Variants in LRP1B observed in about 807,000 individuals in gnomAD.
LRP1B encodes the protein LDL receptor related protein 1B.
A neutral mutation model predicts 556.6 loss-of-function variants in LRP1B; 217 were observed. That is an observed-to-expected ratio of 0.39 (90% confidence interval 0.35 to 0.44). LRP1B has a LOEUF of 0.44. Ranked by LOEUF, LRP1B falls within the 20% of genes least tolerant of loss-of-function variation. The pLI is 1.00. For missense variants in LRP1B, 5,053 were observed against 5,620.8 expected (o/e 0.90, Z 3.23); for synonymous variants, 2,047 against 1,865.8 (o/e 1.10, Z -2.50).
At chr2:141,145,922 C>CTTTTTTTTTTTT (rs70991144) in intron 7 of LRP1B, among the ~76,000 whole-genome samples, 3 of 67,204 alleles carry the variant, frequency 4.5e-5, no homozygotes, top group African/African-American at 6.3e-5. Flanking sequence ...TTCTTTCTTT[C>CTTTTTTTTTTTT]TTTTTTTTTT....
chr2:141,987,163 C>T (rs552000052), intron 1 of LRP1B, among the ~76,000 whole-genome samples: 14 of 151,734 alleles, frequency 9.2e-5, no homozygotes, highest in Admixed American at 2.6e-4. Context: ...TTTGGTTTGA[C>T]TGTATCTATT....
intron 1 of LRP1B, among the ~76,000 whole-genome samples, chr2:141,944,051 GT>G (rs375748615): frequency 6.6e-6 from 1 of 152,092 alleles, no homozygotes; most frequent in African/African-American, 2.4e-5. Context: ...GCTCCACCCT[GT>G]TCTCCCAGTG....
At chr2:141,390,783 G>T (rs777323328) in intron 3 of LRP1B, among the ~76,000 whole-genome samples, 4 of 152,224 alleles carry the variant, frequency 2.6e-5, no homozygotes, top group Non-Finnish European at 4.4e-5. Context: ...GGAGTGAGGG[G>T]AGAATGAAGA....
intron 7 of LRP1B, among the ~76,000 whole-genome samples, chr2:141,172,484 C>G (rs1218414425): frequency 6.6e-6 from 1 of 152,010 alleles, no homozygotes; most frequent in African/African-American, 2.4e-5. Flanking sequence ...CATAATCTTA[C>G]TGACTAAAAT....
intron 2 of LRP1B, among the ~76,000 whole-genome samples, chr2:141,698,507 AAG>A (rs1491068265): frequency 1.3e-5 from 2 of 151,002 alleles, no homozygotes; most frequent in Non-Finnish European, 2.9e-5. Flanking sequence ...AAAAAAAAAA[AAG>A]AGTTTGACTA....
In LRP1B at chr2:140,292,477, C is replaced by T. The variant is rs1320965257; in HGVS notation, c.12967+5331G>A. On this transcript the variant is annotated intron_variant, in intron 84 of 90. Coordinates refer to ENST00000389484, the MANE Select transcript of LRP1B (RefSeq NM_018557.3). ...ATGCTGCTCCCCCTTGCTACTTCCGCTTTGCATATGCTGTTCCTTTGTGTA... is the reference window on the plus strand; with the variant it reads ...ATGCTGCTCCCCCTTGCTACTTCCGTTTTGCATATGCTGTTCCTTTGTGTA... Among the ~76,000 whole-genome samples the T allele has an allele frequency of 3.3e-5, 5 of 152,080 alleles. No individual in the cohort carries two copies. The East Asian group carries it at 9.7e-4, about 29-fold the overall frequency.
intron 1 of LRP1B, among the ~76,000 whole-genome samples, chr2:141,923,001 A>C (rs1574495518): frequency 6.6e-6 from 1 of 152,104 alleles, no homozygotes; most frequent in African/African-American, 2.4e-5. Context: ...TGAAAGGCTG[A>C]GATCAGAGGA....
intron 7 of LRP1B, among the ~76,000 whole-genome samples, chr2:141,083,477 A>G (rs577487870): frequency 6.6e-6 from 1 of 152,254 alleles, no homozygotes; most frequent in South Asian, 2.1e-4. Flanking sequence ...GCAGCATAGC[A>G]TAATGGTTAA....
chr2:140,824,177 C>T (rs945740261), intron 31 of LRP1B, among the ~76,000 whole-genome samples: 1 of 151,664 alleles, frequency 6.6e-6, no homozygotes, highest in Non-Finnish European at 1.5e-5. Context: ...AGTATTTTCT[C>T]TTAATTAGTA....
chr2:141,052,567 A>G (rs1558827374), intron 10 of LRP1B, among the ~76,000 whole-genome samples: 1 of 152,052 alleles, frequency 6.6e-6, no homozygotes, highest in Non-Finnish European at 1.5e-5. Flanking sequence ...GTAAAGTAGG[A>G]TAACTTGTGA....
At chr2:140,625,590 A>C (rs1353090615) in intron 41 of LRP1B, among the ~76,000 whole-genome samples, 1 of 152,222 alleles carries the variant, frequency 6.6e-6, no homozygotes, top group East Asian at 1.9e-4. Flanking sequence ...CAGACACCTC[A>C]TCAAACAAGA....
chr2:141,707,857 A>T (rs1393423986), intron 2 of LRP1B, among the ~76,000 whole-genome samples: 1 of 152,164 alleles, frequency 6.6e-6, no homozygotes, highest in Non-Finnish European at 1.5e-5. Flanking sequence ...TTAAGACCCA[A>T]CAACTTGATA....
intron 2 of LRP1B, among the ~76,000 whole-genome samples, chr2:141,805,958 G>A (rs1275197031): frequency 6.6e-6 from 1 of 152,022 alleles, no homozygotes; most frequent in Non-Finnish European, 1.5e-5. Context: ...AACATGATCT[G>A]TGACTGAAGA....
intron 1 of LRP1B, among the ~76,000 whole-genome samples, chr2:142,123,266 T>C (rs934786051): frequency 2.6e-5 from 4 of 151,980 alleles, no homozygotes; most frequent in African/African-American, 9.7e-5. Context: ...AGGGCTAAGA[T>C]GACAAATCGT....
At chr2:140,373,517 T>C (rs1257476427) in intron 68 of LRP1B, among the ~76,000 whole-genome samples, 3 of 152,212 alleles carry the variant, frequency 2.0e-5, no homozygotes, top group African/African-American at 7.2e-5. Flanking sequence ...GGCTTCATCA[T>C]ACTAATTAAG....
chr2:140,362,166 TA>T (rs2105145736), intron 72 of LRP1B, among the ~76,000 whole-genome samples: 1 of 151,806 alleles, frequency 6.6e-6, no homozygotes, highest in East Asian at 1.9e-4. Flanking sequence ...GCCATGGTGT[TA>T]ACCACTATTA....
intron 7 of LRP1B, among the ~76,000 whole-genome samples, chr2:141,067,865 G>T (rs1046155096): frequency 2.0e-5 from 3 of 151,890 alleles, no homozygotes; most frequent in African/African-American, 7.3e-5. Flanking sequence ...GGGAGGGTGT[G>T]AGAGAAGAAA....
At chr2:141,763,948 T>C (rs1694646614) in intron 2 of LRP1B, among the ~76,000 whole-genome samples, 1 of 152,192 alleles carries the variant, frequency 6.6e-6, no homozygotes, top group Non-Finnish European at 1.5e-5. Flanking sequence ...ATACAGATTA[T>C]TGCAATTTGC....
At chr2:141,463,606 T>TATTATATATTATATATA (rs1682026145) in intron 3 of LRP1B, among the ~76,000 whole-genome samples, 1 of 89,586 alleles carries the variant, frequency 1.1e-5, no homozygotes, top group Admixed American at 1.2e-4. Context: ...TATTATATAT[T>TATTATATATTATATATA]ATATATAATT....
Sources: gnomAD v4.1 joint callset for allele counts (sites outside exome capture counted in the v4.1 genomes callset) on GRCh38, gnomAD v4.1.1 for gene constraint, MANE v1.5 for transcripts, NCBI Gene and HGNC (gene_info 2026-07-23, HGNC 2026-07-21) for gene names.